Variants in UBR4 observed in about 807,000 individuals in gnomAD.
The protein encoded by UBR4 is E3 ubiquitin-protein ligase UBR4.
In UBR4, 124 loss-of-function variants were observed where a neutral mutation model predicts 575.6. The ratio of observed to expected loss-of-function variants is 0.22; its 90% CI spans 0.19 to 0.25. UBR4 has a LOEUF of 0.25. Ranked by LOEUF, UBR4 falls within the 10% of genes least tolerant of loss-of-function variation. UBR4 has a pLI of 1.00. For synonymous variants in UBR4, 2,455 were observed against 2,473.7 expected (o/e 0.99, Z 0.22); for missense variants, 4,818 against 6,478.8 (o/e 0.74, Z 8.80).
rs529781590 is a variant in UBR4 at position 19,135,126 on chromosome 1, CTA to C, written c.8906+2879_8906+2880del. ...AGATCAAGTCAAGATTCATTTTATT[CTA>C]TGTGCGTTTCCAGCTGACCCATTAT... On this transcript the variant is annotated intron_variant, in intron 60 of 105. Transcript: ENST00000375254. Among the ~76,000 whole-genome samples the C allele has an allele frequency of 8.3e-4, 126 of 152,256 alleles. 1 individual carries two copies. The highest frequency in any genetic ancestry group is 3.0e-3 in the African/African-American group (123 of 41,546).
rs766330114 is a variant in UBR4, at chr1:19,165,627, T to C, written c.4211+29A>G. 7.5e-6 allele frequency: 12 copies of C among 1,598,624 alleles called. No homozygotes were observed. In the South Asian group the frequency reaches 1.3e-4, roughly 18 times the overall value. ...GCTTTCAAGAGGCATTCAAAAAATATTCACTGAATAAAGCAAAACACGGCT... is the reference window on the plus strand; with the variant it reads ...GCTTTCAAGAGGCATTCAAAAAATACTCACTGAATAAAGCAAAACACGGCT... On this transcript the variant is annotated intron_variant, in intron 30 of 105. Transcript: ENST00000375254.
In UBR4 at chr1:19,167,171, T is replaced by C. The variant is rs200299641; in HGVS notation, c.3960A>G (p.Glu1320=). 1.1e-5 allele frequency: 17 copies of C among 1,614,066 alleles called. No individual in the cohort carries two copies. The highest frequency in any genetic ancestry group is 3.3e-5 in the Admixed American group (2 of 60,010). Residue 1320 remains glutamate, a synonymous_variant, in exon 29 of 106, where the codon GAA becomes GAG. Transcript: ENST00000375254. ...VIRTLLPLLL[E]SSTESVAEIS... ...TCTCGGCAACACTCTCAGTGCTTGA[T>C]TCCAAAAGAAGAGGTAGCAGTGTCC...
chr1:19,144,749 G>A, intron 54 of UBR4, 37 bp downstream of exon 54: 1 of 1,573,434 alleles, frequency 6.4e-7, no homozygotes, highest in Admixed American at 1.8e-5. Context: ...ATATTCCCTG[G>A]CTGCTGCGAG....
chr1:19,105,812 G>C lies in UBR4; in HGVS notation c.12424C>G (p.Arg4142Gly). 6.2e-7 allele frequency: 1 copy of C among 1,607,954 alleles called. No homozygotes were observed. Among genetic ancestry groups the C allele is most frequent in the Non-Finnish European group, 8.5e-7 (1 of 1,178,204 alleles). ...TCCACAATGGTACAGGCTGCCTGCC[G>C]TGCGGCCTGCGTTGCTGGAGTGAAA... is the stretch of plus-strand genomic sequence containing the variant. ...VLFTPATQAA[R>G]QAACTIVEAL... The change falls in exon 84 of 106, where the codon CGG becomes GGG. Residue 4142 changes from arginine (R) to glycine (G), a missense_variant. Transcript: ENST00000375254.
Position 19,155,495 on chromosome 1 carries a change from C to T in UBR4, c.6246G>A (p.Gln2082=), listed in dbSNP as rs1463708392. 3 of 1,614,166 alleles carry T rather than the reference C, an allele frequency of 1.9e-6. No homozygotes were observed. The highest frequency in any genetic ancestry group is 2.2e-5 in the East Asian group (1 of 44,886). ...CATTAGTGACATAGAAGGGTCCCTG[C>T]TGGGCACTGCTGGCCTCTTCCATAA... ...TQLMEEASSA[Q]QGPFYVTNVL... Residue 2082 remains glutamine, a synonymous_variant, in exon 43 of 106, where the codon CAG becomes CAA. Coordinates refer to ENST00000375254, the MANE Select transcript of UBR4 (RefSeq NM_020765.3).
intron 42 of UBR4, among the ~76,000 whole-genome samples, 157 bp downstream of exon 42, chr1:19,156,114 A>G (rs1372723769): frequency 6.6e-6 from 1 of 152,188 alleles, no homozygotes; most frequent in African/African-American, 2.4e-5. Context: ...GCCTCAAGTA[A>G]TTCTCCACCT....
In UBR4 at chr1:19,100,632, T is replaced by C; in HGVS notation, c.13024-59A>G. ...ATGGCAGAGGTGGAGATTTATACCA[T>C]GCTACCTTGTTCCATGGACACTCGA... On this transcript the variant is annotated intron_variant, in intron 88 of 105. Coordinates refer to ENST00000375254, the MANE Select transcript of UBR4 (RefSeq NM_020765.3). This position sits in a 1 kb window ranked among gnomAD's most constrained non-coding sequence, Gnocchi z 4.2. 6.5e-7 allele frequency: 1 copy of C among 1,543,174 alleles called. No individual in the cohort carries two copies. The highest frequency in any genetic ancestry group is 8.9e-7 in the Non-Finnish European group (1 of 1,118,160).
intron 31 of UBR4, 87 bp downstream of exon 31, chr1:19,165,162 C>T: frequency 1.3e-6 from 2 of 1,483,912 alleles, no homozygotes; most frequent in Non-Finnish European, 1.9e-6. Flanking sequence ...CATTTTCATG[C>T]TGTAGTTAAA....
At chr1:19,150,540 T>C (rs768398504) in intron 49 of UBR4, 37 bp downstream of exon 49, 2 of 1,602,386 alleles carry the variant, frequency 1.2e-6, no homozygotes, top group South Asian at 1.1e-5. Flanking sequence ...GAGTGGAATA[T>C]GTAAAAACTG....
Position 19,088,810 on chromosome 1 carries a change from C to T in UBR4, c.14379G>A (p.Lys4793=), listed in dbSNP as rs1043899. The change falls in exon 98 of 106, where the codon AAG becomes AAA. Residue 4793 remains lysine (K), a synonymous_variant. Transcript: ENST00000375254. This position sits in a 1 kb window ranked among gnomAD's most constrained non-coding sequence, Gnocchi z 4.0. ...TCTGCCTCATTGCCATGGCCATGCG[C>T]TTCTTCTCTGCCCGGGTCTCCCTGC... ...AARRETRAEK[K]RMAMAMRQKA... The T allele has an allele frequency of 0.58, 928,679 of 1,613,694 alleles. 270,567 individuals carry two copies. The highest frequency in any genetic ancestry group is 0.78 in the East Asian group (35,127 of 44,850).
chr1:19,141,209 T>C, intron 57 of UBR4, 138 bp downstream of exon 57: 1 of 1,179,982 alleles, frequency 8.5e-7, no homozygotes, highest in Non-Finnish European at 1.2e-6. Flanking sequence ...TCCACCTGTA[T>C]CTCTGAACAG....
At chr1:19,141,279 G>C in intron 57 of UBR4, 68 bp downstream of exon 57, 1 of 1,607,276 alleles carries the variant, frequency 6.2e-7, no homozygotes, top group Non-Finnish European at 8.5e-7. Context: ...CTGGATATCA[G>C]TAACTGCCAA....
Position 19,099,459 on chromosome 1 carries a change from C to A in UBR4, c.13302+138G>T, listed in dbSNP as rs2078395895. ...AACAAGATTGGTTTTCTCCACACAA[C>A]CCCAAACAGGGACAGTAAAGCCTTA... On this transcript the variant is annotated intron_variant, in intron 90 of 105. Coordinates refer to ENST00000375254, the MANE Select transcript of UBR4 (RefSeq NM_020765.3). 7.0e-6 allele frequency: 5 copies of A among 711,238 alleles called. No homozygotes were observed. The East Asian group carries it at 1.4e-4, about 19-fold the overall frequency. The allele number at this position is 711,238 out of a possible 1,614,324, so 44.1% of individuals were successfully genotyped here. A position where few individuals can be genotyped will look rare whatever the true frequency, so the allele number is the denominator to read the frequency against.
At chr1:19,136,115 G>A (rs2083175289) in intron 60 of UBR4, among the ~76,000 whole-genome samples, 1 of 152,144 alleles carries the variant, frequency 6.6e-6, no homozygotes, top group South Asian at 2.1e-4. Context: ...CCAAATGTAA[G>A]TTCAATAAAG....
At position 19,162,218 on chromosome 1, in the gene UBR4, A is replaced by G. The variant is rs183575703; in HGVS notation, c.4956+202T>C. On this transcript the variant is annotated intron_variant, in intron 35 of 105. Transcript: ENST00000375254. ...ACAAAGCAGGACAAGTGACTCTGGA[A>G]AAAGCTTATGAAAAAGTCCTTTCCA... Among the ~76,000 whole-genome samples the G allele has an allele frequency of 1.3e-3, 191 of 152,340 alleles. 2 individuals carry two copies. The highest frequency in any genetic ancestry group is 3.5e-3 in the Admixed American group (53 of 15,304).
chr1:19,144,969 C>T (rs2084641143), intron 53 of UBR4, 62 bp from the exon 54 acceptor site: 2 of 1,598,924 alleles, frequency 1.3e-6, no homozygotes, highest in African/African-American at 2.7e-5. Flanking sequence ...ACTTGAGAGT[C>T]TGAGACAAAA....
At chr1:19,150,830 C>T in intron 48 of UBR4, 37 bp from the exon 49 acceptor site, 1 of 1,605,226 alleles carries the variant, frequency 6.2e-7, no homozygotes, top group Non-Finnish European at 8.5e-7. Context: ...GAAGCACATT[C>T]TCTAAAAAGC....
At chr1:19,166,705 C>G (rs1301989473) in intron 29 of UBR4, among the ~76,000 whole-genome samples, 1 of 117,920 alleles carries the variant, frequency 8.5e-6, no homozygotes, top group Non-Finnish European at 1.6e-5. Context: ...TGGCAAACTC[C>G]ATCTCTACCA....
At position 19,114,032 on chromosome 1, in the gene UBR4, A is replaced by C; in HGVS notation, c.11241T>G (p.Asp3747Glu). 1 of 1,614,196 alleles carries C rather than the reference A, an allele frequency of 6.2e-7. No individual in the cohort carries two copies. The highest frequency in any genetic ancestry group is 8.5e-7 in the Non-Finnish European group (1 of 1,180,024). Residue 3747 changes from aspartate (D) to glutamate (E), a missense_variant, in exon 76 of 106, where the codon GAT becomes GAG. Asp to Glu is a conservative substitution (Grantham distance 45, BLOSUM62 2). Coordinates refer to ENST00000375254, the MANE Select transcript of UBR4 (RefSeq NM_020765.3). Reference protein sequence around the residue: ...SNINTLLDKADRVYHQLMGHR... With the variant: ...SNINTLLDKAERVYHQLMGHR... ...GTCCCATCAGCTGATGATACACTCG[A>C]TCAGCTTTGTCCAAAAGTGTATTGA...
Sources: gnomAD v4.1 joint callset for allele counts (sites outside exome capture counted in the v4.1 genomes callset) on GRCh38, gnomAD v4.1.1 for gene constraint, Gnocchi (gnomAD v3.1) non-coding constraint, MANE v1.5 for transcripts, NCBI Gene and HGNC (gene_info 2026-07-23, HGNC 2026-07-21) for gene names.